The following BPTF variants were observed in gnomAD, a reference collection of about 807,000 sequenced individuals.
The protein encoded by BPTF is nucleosome-remodeling factor subunit BPTF.
BPTF carries 18 observed loss-of-function variants against 292.5 expected under a neutral mutation model. The ratio of observed to expected loss-of-function variants is 0.06; its 90% CI spans 0.04 to 0.09. The LOEUF (loss-of-function observed/expected upper bound fraction) is 0.09, where lower values mean the gene tolerates loss of function less well. Among genes scored for constraint, BPTF ranks in the 10% least tolerant of loss-of-function variants. The pLI, the probability that BPTF is intolerant of heterozygous loss-of-function variation, is 1.00. For missense variants in BPTF, 2,726 were observed against 3,498.7 expected, an observed-to-expected ratio of 0.78 and a Z score of 5.57; for synonymous variants, 1,225 against 1,251.9, an observed-to-expected ratio of 0.98 and a Z score of 0.45.
intron 4 of BPTF, among the ~76,000 whole-genome samples, chr17:67,882,307 T>A (rs1489476408): frequency 6.6e-6 from 1 of 152,202 alleles, no homozygotes; most frequent in African/African-American, 2.4e-5. Flanking sequence ...GGGCTCTCAC[T>A]GTCCCTATGC....
In BPTF at chr17:67,959,658, G is replaced by A; in HGVS notation, c.8044G>A (p.Ala2682Thr). 3 of 1,595,086 alleles carry A rather than the reference G, an allele frequency of 1.9e-6. No individual in the cohort carries two copies. Among genetic ancestry groups the A allele is most frequent in the South Asian group, 2.3e-5 (2 of 88,792 alleles). ...PVTPAPPAPP[A>T]PPPSPPPPPA... is the part of the protein sequence containing the mutation. The stretch of plus-strand genomic sequence containing the variant: ...GACACCAGCTCCTCCAGCCCCTCCA[G>A]CCCCTCCACCTTCACCTCCCCCTCC... The change falls in exon 24 of 28, where the codon GCC becomes ACC. Residue 2682 changes from alanine (A) to threonine (T), a missense_variant. By Grantham distance (58) the Ala-to-Thr change is moderately conservative. Transcript: ENST00000306378.
At position 67,982,335 on chromosome 17, in the gene BPTF, T is replaced by G. The variant is rs151252240; in HGVS notation, c.*47T>G. On this transcript the variant is annotated 3_prime_UTR_variant, in exon 28 of 28. Transcript: ENST00000306378. ...ATAAAACACAGCAAGAATCTGGTTG[T>G]CTGAACTATTTTAAATTAAGGAGCC... 127 of 1,548,622 alleles carry G rather than the reference T, an allele frequency of 8.2e-5. 1 individual carries two copies. In the African/African-American group the frequency reaches 1.3e-3, roughly 16 times the overall value.
At chr17:67,917,090 G>A (rs1452858362) in intron 11 of BPTF, among the ~76,000 whole-genome samples, 1 of 146,826 alleles carries the variant, frequency 6.8e-6, no homozygotes, top group Non-Finnish European at 1.5e-5. Context: ...CATGAACACA[G>A]AGAGATTTGT....
rs2062709822 is a variant in BPTF, at chr17:67,912,348, G to A, written c.4464G>A (p.Leu1488=). The A allele has an allele frequency of 6.2e-7, 1 of 1,613,972 alleles. No homozygotes were observed. Among genetic ancestry groups the A allele is most frequent in the African/African-American group, 1.3e-5 (1 of 74,920 alleles). Residue 1488 remains leucine, a synonymous_variant, in exon 11 of 28, where the codon CTG becomes CTA. Transcript: ENST00000306378. The part of the protein sequence containing the change: ...RNSSETKSHL[L]SSSDAEGNYR... Reference sequence around the variant, plus strand: ...GCTCCGAAACAAAATCGCATTTGCTGAGTTCTTCAGATGCTGAAGGTAACT... The same window carrying A: ...GCTCCGAAACAAAATCGCATTTGCTAAGTTCTTCAGATGCTGAAGGTAACT...
intron 9 of BPTF, among the ~76,000 whole-genome samples, chr17:67,906,526 C>G (rs2062211960): frequency 1.3e-5 from 2 of 152,242 alleles, no homozygotes; most frequent in East Asian, 3.9e-4. Flanking sequence ...ACGAGGGTGC[C>G]AGGTGACATA....
intron 23 of BPTF, among the ~76,000 whole-genome samples, chr17:67,953,260 CT>C (rs57310551): frequency 2.3e-3 from 278 of 122,850 alleles, no homozygotes; most frequent in African/African-American, 3.2e-3. Flanking sequence ...CGCGCCTGGC[CT>C]TTTTTTTTTT....
At chr17:67,929,605 A>G in intron 17 of BPTF, 118 bp downstream of exon 17, 1 of 1,224,862 alleles carries the variant, frequency 8.2e-7, no homozygotes, top group Non-Finnish European at 1.1e-6. Flanking sequence ...TGAATCTGTG[A>G]CAGAGTACTG....
At chr17:67,927,324 C>T (rs1376832644) in intron 15 of BPTF, among the ~76,000 whole-genome samples, 1 of 152,160 alleles carries the variant, frequency 6.6e-6, no homozygotes, top group Non-Finnish European at 1.5e-5. Flanking sequence ...TGTTACTTAT[C>T]ACACCACTGT....
chr17:67,919,508 C>T lies in BPTF; in HGVS notation c.5429-507C>T, dbSNP rs1056424744. On this transcript the variant is annotated intron_variant, in intron 12 of 27. Transcript: ENST00000306378. ...GTGACTGTGGTCCACTAATGTCTTC[C>T]AGTCTGGATAACAGAGCAAAACCCT... 3.3e-5 allele frequency among the ~76,000 whole-genome samples: 5 copies of T among 152,184 alleles called. No homozygotes were observed. The East Asian group carries it at 7.7e-4, about 24-fold the overall frequency.
At chr17:67,843,191 C>T (rs961862380) in intron 1 of BPTF, among the ~76,000 whole-genome samples, 6 of 130,066 alleles carry the variant, frequency 4.6e-5, no homozygotes, top group Admixed American at 7.4e-5. Flanking sequence ...TATCTACATA[C>T]ATCTACATAC....
At chr17:67,847,407 G>A (rs985294122) in intron 1 of BPTF, among the ~76,000 whole-genome samples, 20 of 152,004 alleles carry the variant, frequency 1.3e-4, no homozygotes, top group African/African-American at 4.1e-4. Flanking sequence ...CCAGCTACTC[G>A]GGAGGCTGAG....
At chr17:67,902,506 A>T (rs780457873) in intron 7 of BPTF, among the ~76,000 whole-genome samples, 1 of 152,162 alleles carries the variant, frequency 6.6e-6, no homozygotes, top group African/African-American at 2.4e-5. Flanking sequence ...ATTTGAGTAC[A>T]TTAGCTCCCA....
chr17:67,897,768 T>C (rs2146451412), intron 7 of BPTF, among the ~76,000 whole-genome samples: 1 of 152,352 alleles, frequency 6.6e-6, no homozygotes, highest in South Asian at 2.1e-4. Context: ...GAGAACCAGA[T>C]AGTTCTATTT....
At chr17:67,875,789 T>C (rs2145771026) in intron 4 of BPTF, 1 of 1,387,400 alleles carries the variant, frequency 7.2e-7, no homozygotes, top group East Asian at 2.7e-5. Flanking sequence ...GGGGGAATCC[T>C]TCCCTTTTGT....
intron 21 of BPTF, among the ~76,000 whole-genome samples, chr17:67,947,512 G>A (rs2065901497): frequency 6.6e-6 from 1 of 152,176 alleles, no homozygotes; most frequent in Non-Finnish European, 1.5e-5. Context: ...AGGAATAAAC[G>A]AGGTAATGTC....
intron 24 of BPTF, 116 bp downstream of exon 24, chr17:67,959,991 G>T (rs2067320281): frequency 1.2e-6 from 1 of 829,026 alleles, no homozygotes; most frequent in Admixed American, 3.4e-5. Flanking sequence ...AAATTTAAGA[G>T]TAATGTTTCA....
chr17:67,895,287 T>C (rs931209601), intron 7 of BPTF, among the ~76,000 whole-genome samples: 12 of 135,378 alleles, frequency 8.9e-5, no homozygotes, highest in East Asian at 4.2e-4. Flanking sequence ...GAACCGAGAT[T>C]GCACCACTGC....
At position 67,909,709 on chromosome 17, in the gene BPTF, A is replaced by G; in HGVS notation, c.2940A>G (p.Gly980=). 6.3e-7 allele frequency: 1 copy of G among 1,595,014 alleles called. No homozygotes were observed. Among genetic ancestry groups the G allele is most frequent in the Non-Finnish European group, 8.5e-7 (1 of 1,173,866 alleles). The part of the protein sequence containing the change: ...DEVKGSDAAK[G]ADQNEMDISK... Reference sequence around the variant, plus strand: ...TAAAAGGTTCAGATGCTGCAAAAGGAGCAGACCAAAATGAAATGGATATCT... The same window carrying G: ...TAAAAGGTTCAGATGCTGCAAAAGGGGCAGACCAAAATGAAATGGATATCT... The change falls in exon 10 of 28, where the codon GGA becomes GGG. Residue 980 remains glycine (G), a synonymous_variant. Coordinates refer to ENST00000306378, the MANE Select transcript of BPTF (RefSeq NM_182641.4).
At chr17:67,896,032 C>T (rs553270091) in intron 7 of BPTF, among the ~76,000 whole-genome samples, 6 of 149,266 alleles carry the variant, frequency 4.0e-5, no homozygotes, top group African/African-American at 1.2e-4. Context: ...GGCGTGATCT[C>T]GGCTCACTGC....
Sources: gnomAD v4.1 joint callset for allele counts (sites outside exome capture counted in the v4.1 genomes callset) on GRCh38, gnomAD v4.1.1 for gene constraint, MANE v1.5 for transcripts, NCBI Gene and HGNC (gene_info 2026-07-23, HGNC 2026-07-21) for gene names.